Variants in KCNH3 observed in about 807,000 individuals in gnomAD.
KCNH3 encodes voltage-gated inwardly rectifying potassium channel KCNH3.
KCNH3 carries 36 observed loss-of-function variants against 95.6 expected under a neutral mutation model. The observed-to-expected ratio is 0.38, with a 90% CI of 0.29 to 0.50. The LOEUF is 0.50. Among genes scored for constraint, KCNH3 ranks in the 20% least tolerant of loss-of-function variants. The pLI is 0.95. For missense variants in KCNH3, 1,030 were observed against 1,484.1 expected, an observed-to-expected ratio of 0.69 and a Z score of 5.03; for synonymous variants, 620 against 646.3, an observed-to-expected ratio of 0.96 and a Z score of 0.62.
chr12:49,547,921 T>C (rs1035606890), intron 7 of KCNH3, among the ~76,000 whole-genome samples: 1 of 152,036 alleles, frequency 6.6e-6, no homozygotes, highest in Non-Finnish European at 1.5e-5. Flanking sequence ...GGATCCCCCA[T>C]CCAACACCCT....
chr12:49,548,343 T>C (rs2138150761), intron 7 of KCNH3, among the ~76,000 whole-genome samples: 1 of 152,284 alleles, frequency 6.6e-6, no homozygotes, highest in Non-Finnish European at 1.5e-5. Context: ...GGCACACACA[T>C]AGCCTTAACA....
intron 4 of KCNH3, 101 bp from the exon 5 acceptor site, chr12:49,543,174 C>G (rs553393739): frequency 1.6e-6 from 2 of 1,285,532 alleles, no homozygotes; most frequent in African/African-American, 2.9e-5. Flanking sequence ...TTCGATAATG[C>G]AGGGATAGAA....
intron 8 of KCNH3, 129 bp from the exon 9 acceptor site, chr12:49,549,312 G>C: frequency 2.1e-6 from 3 of 1,453,550 alleles, no homozygotes; most frequent in Non-Finnish European, 2.8e-6. Context: ...CGGGGGTGGG[G>C]GAGACTTCGC....
chr12:49,549,377 G>A, intron 8 of KCNH3, 64 bp from the exon 9 acceptor site: 1 of 1,574,988 alleles, frequency 6.3e-7, no homozygotes, highest in Non-Finnish European at 8.7e-7. Context: ...GGACAGATGA[G>A]CCCAGCGTGG....
In KCNH3 at chr12:49,557,509, G is replaced by A. The variant is rs1313864331; in HGVS notation, c.2808G>A (p.Gln936=). Residue 936 remains glutamine (Q), a synonymous_variant, in exon 15 of 15, where the codon CAG becomes CAA. Coordinates refer to ENST00000257981, the MANE Select transcript of KCNH3 (RefSeq NM_012284.3). The part of the protein sequence containing the change: ...PCPASTSGLL[Q]PLCVDTGASS... ...CAGCCAGCACCTCCGGGCTTCTGCAGCCTCTGTGTGTGGACACTGGGGCAT... is the reference window on the plus strand; with the variant it reads ...CAGCCAGCACCTCCGGGCTTCTGCAACCTCTGTGTGTGGACACTGGGGCAT... 6.2e-7 allele frequency: 1 copy of A among 1,611,794 alleles called. No homozygotes were observed. The highest frequency in any genetic ancestry group is 1.1e-5 in the South Asian group (1 of 91,078).
chr12:49,541,125 G>C lies in KCNH3; in HGVS notation c.303G>C (p.Arg101=). The change falls in exon 2 of 15, where the codon CGG becomes CGC. Residue 101 remains arginine, a synonymous_variant. Coordinates refer to ENST00000257981, the MANE Select transcript of KCNH3 (RefSeq NM_012284.3). ...TCAAGGCTGAGCTGATCCTGTACCG[G>C]AAGAGCGGTGAGGGGCCACCTGGCC... ...KEFKAELILY[R]KSGLPFWCLL... is the part of the protein sequence containing the mutation. 6.2e-7 allele frequency: 1 copy of C among 1,601,780 alleles called. No individual in the cohort carries two copies. The highest frequency in any genetic ancestry group is 8.5e-7 in the Non-Finnish European group (1 of 1,178,636).
At chr12:49,551,968 G>T (rs1452791835) in intron 10 of KCNH3, among the ~76,000 whole-genome samples, 2 of 152,190 alleles carry the variant, frequency 1.3e-5, no homozygotes, top group East Asian at 1.9e-4. Context: ...TGCCATCGGG[G>T]TCTTAGACCC....
Position 49,542,800 on chromosome 12 carries a change from C to A in KCNH3, c.540C>A (p.His180Gln), listed in dbSNP as rs773774558. The change falls in exon 4 of 15, where the codon CAC (histidine) becomes CAA (glutamine). Residue 180 changes from histidine to glutamine, a missense_variant. His to Gln is a conservative substitution (Grantham distance 24). This residue lies in a region of KCNH3 where 92 missense variants were observed against 92.7 expected (regional missense o/e 0.99). Transcript: ENST00000257981. ...CCGTGCTCTACCACCTGTCCGGGCA[C>A]CTGCAGAAGCAGCCCAAGGGCAAGC... Reference protein sequence around the residue: ...SRAVLYHLSGHLQKQPKGKHK... With the variant: ...SRAVLYHLSGQLQKQPKGKHK... 2 of 1,602,988 alleles carry A rather than the reference C, an allele frequency of 1.2e-6. No homozygotes were observed. The highest frequency in any genetic ancestry group is 1.7e-6 in the Non-Finnish European group (2 of 1,176,032).
At chr12:49,547,421 T>C (rs1403455435) in intron 7 of KCNH3, among the ~76,000 whole-genome samples, 3 of 152,226 alleles carry the variant, frequency 2.0e-5, no homozygotes, top group African/African-American at 7.2e-5. Flanking sequence ...CCCCCTCAGT[T>C]TCTTTGTATC....
chr12:49,557,257 G>A lies in KCNH3; in HGVS notation c.2650G>A (p.Ala884Thr). 6.2e-7 allele frequency: 1 copy of A among 1,614,052 alleles called. No individual in the cohort carries two copies. The highest frequency in any genetic ancestry group is 1.3e-5 in the African/African-American group (1 of 75,044). ...AGACACACTGGACAAGCTTCGGCAG[G>A]CGGTGGGTGAGGGGGAAGGTGGAGG... ...NTDTLDKLRQAVTELSEQVLQ... is the reference protein window; with the variant it reads ...NTDTLDKLRQTVTELSEQVLQ... The change falls in exon 14 of 15, where the codon GCG becomes ACG. Residue 884 changes from alanine (A) to threonine (T), a missense_variant and splice_region_variant. Around this residue, in one of 9 missense-constraint regions of KCNH3, gnomAD observed 464 missense variants for 493.2 expected, o/e 0.94. Coordinates refer to ENST00000257981, the MANE Select transcript of KCNH3 (RefSeq NM_012284.3).
chr12:49,543,464 G>T lies in KCNH3; in HGVS notation c.769G>T (p.Ala257Ser), dbSNP rs188303067. The T allele has an allele frequency of 2.3e-5, 37 of 1,601,734 alleles. No homozygotes were observed. The Middle Eastern group carries it at 8.3e-4, about 36-fold the overall frequency. ...GAGCACAGCACGGGAGCCCAGTGCC[G>T]CCCGCGGCCCGCCCAGCGTCTGTGA... is the stretch of plus-strand genomic sequence containing the variant. ...CVSTAREPSAARGPPSVCDLA... is the reference protein window; with the variant it reads ...CVSTAREPSASRGPPSVCDLA... Residue 257 changes from alanine (A) to serine (S), a missense_variant, in exon 5 of 15, where the codon GCC (alanine) becomes TCC (serine). By Grantham distance (99) the Ala-to-Ser change is moderately conservative. This residue lies in a region of KCNH3 where 153 missense variants were observed against 288.5 expected (regional missense o/e 0.53). Coordinates refer to ENST00000257981, the MANE Select transcript of KCNH3 (RefSeq NM_012284.3).
At position 49,557,435 on chromosome 12, in the gene KCNH3, C is replaced by T; in HGVS notation, c.2734C>T (p.Pro912Ser). 1.9e-6 allele frequency: 3 copies of T among 1,606,370 alleles called. No homozygotes were observed. The highest frequency in any genetic ancestry group is 8.5e-7 in the Non-Finnish European group (1 of 1,175,452). Reference protein sequence around the residue: ...LRQAVQLVLAPHREGPCPRAS... With the variant: ...LRQAVQLVLASHREGPCPRAS... ...CCAGGCTGTGCAGCTTGTCCTGGCG[C>T]CCCACAGGGAGGGTCCGTGCCCTCG... Residue 912 changes from proline to serine, a missense_variant, in exon 15 of 15, where the codon CCC becomes TCC. This residue lies in a region of KCNH3 where 464 missense variants were observed against 493.2 expected (regional missense o/e 0.94). Coordinates refer to ENST00000257981, the MANE Select transcript of KCNH3 (RefSeq NM_012284.3).
intron 10 of KCNH3, among the ~76,000 whole-genome samples, chr12:49,553,699 G>A (rs1938338187): frequency 6.6e-6 from 1 of 152,184 alleles, no homozygotes; most frequent in Admixed American, 6.5e-5. Flanking sequence ...CCTGCCTGTG[G>A]GAAAACCTCC....
At chr12:49,554,586 TG>T in intron 11 of KCNH3, 32 bp downstream of exon 11, 3 of 1,572,688 alleles carry the variant, frequency 1.9e-6, no homozygotes, top group Non-Finnish European at 1.7e-6. Context: ...TTGGAGGGGA[TG>T]GGGGTGCCAG....
chr12:49,543,729 T>C, intron 5 of KCNH3, 186 bp from the exon 6 acceptor site: 3 of 1,018,574 alleles, frequency 2.9e-6, no homozygotes, highest in Non-Finnish European at 4.2e-6. Flanking sequence ...TGAGCCTCCA[T>C]AAAATAGATT....
Position 49,558,099 on chromosome 12 carries a change from C to A in KCNH3, c.*146C>A. 2.2e-6 allele frequency: 2 copies of A among 894,108 alleles called. No homozygotes were observed. Among genetic ancestry groups the A allele is most frequent in the Non-Finnish European group, 1.5e-6 (1 of 648,980 alleles). The allele number at this position is 894,108 out of a possible 1,614,324, so 55.4% of individuals were successfully genotyped here. On this transcript the variant is annotated 3_prime_UTR_variant, in exon 15 of 15. Transcript: ENST00000257981. ...AGGGAGCCTGGAAGCAAAGGAGGACCTGGCTCCTGACTCTCAGAGAGGATA... is the reference window on the plus strand; with the variant it reads ...AGGGAGCCTGGAAGCAAAGGAGGACATGGCTCCTGACTCTCAGAGAGGATA...
chr12:49,540,707 A>G (rs1937842013), intron 1 of KCNH3, among the ~76,000 whole-genome samples, 192 bp from the exon 2 acceptor site: 1 of 152,138 alleles, frequency 6.6e-6, no homozygotes, highest in Non-Finnish European at 1.5e-5. Context: ...GAATGTACTC[A>G]CACCTGCTGC....
rs1368249367 is a variant in KCNH3 at position 49,544,187 on chromosome 12, C to A, written c.994C>A (p.His332Asn). The A allele has an allele frequency of 5.1e-6, 8 of 1,580,092 alleles. No individual in the cohort carries two copies. The highest frequency in any genetic ancestry group is 6.8e-6 in the Non-Finnish European group (8 of 1,169,418). ...AFKVNVYFGA[H>N]LLKTVRLLRL... is the part of the protein sequence containing the mutation. ...CCCCGCATCTCAGTACTTCGGGGCC[C>A]ATCTGCTGAAGACGGTGCGCCTGCT... The change falls in exon 7 of 15, where the codon CAT (histidine) becomes AAT (asparagine). Residue 332 changes from histidine to asparagine, a missense_variant. Coordinates refer to ENST00000257981, the MANE Select transcript of KCNH3 (RefSeq NM_012284.3).
chr12:49,540,963 T>C lies in KCNH3; in HGVS notation c.141T>C (p.Asp47=). Residue 47 remains aspartate (D), a synonymous_variant, in exon 2 of 15, where the codon GAT becomes GAC. Transcript: ENST00000257981. Reference sequence around the variant, plus strand: ...TCTTCCCCGTGGTCTACTGCTCTGATGGCTTCTGTGACCTCACGGGCTTCT... The same window carrying C: ...TCTTCCCCGTGGTCTACTGCTCTGACGGCTTCTGTGACCTCACGGGCTTCT... ...AGLFPVVYCS[D]GFCDLTGFSR... 1 of 1,614,206 alleles carries C rather than the reference T, an allele frequency of 6.2e-7. No homozygotes were observed. The highest frequency in any genetic ancestry group is 1.1e-5 in the South Asian group (1 of 91,084).
Sources: gnomAD v4.1 joint callset for allele counts (sites outside exome capture counted in the v4.1 genomes callset) on GRCh38, gnomAD v4.1.1 for gene constraint, gnomAD v4.1.1 regional missense constraint, MANE v1.5 for transcripts, NCBI Gene and HGNC (gene_info 2026-07-23, HGNC 2026-07-21) for gene names.